The following ATP13A5 variants were observed in gnomAD, a reference collection of about 807,000 sequenced individuals.
ATP13A5 encodes the protein probable cation-transporting ATPase 13A5.
A neutral mutation model predicts 150.2 loss-of-function variants in ATP13A5; 149 were observed. The ratio of observed to expected loss-of-function variants is 0.99; its 90% CI spans 0.87 to 1.14. ATP13A5 has a LOEUF of 1.14. Ranked by LOEUF, ATP13A5 falls within the 50% of genes most tolerant of loss-of-function variation. The probability of loss-of-function intolerance (pLI) is 0.00; values close to 1 mark genes in which losing one functional copy is unlikely to be tolerated. For missense variants in ATP13A5, 1,383 were observed against 1,449.3 expected (o/e 0.95, Z 0.74); for synonymous variants, 497 against 522.2 (o/e 0.95, Z 0.66).
chr3:193,314,406 T>C (rs1056657300), intron 18 of ATP13A5: 1 of 508,408 alleles, frequency 2.0e-6, no homozygotes, highest in East Asian at 3.2e-5. Flanking sequence ...TCCTGGTCCA[T>C]GTGTATTTCA....
intron 1 of ATP13A5, among the ~76,000 whole-genome samples, chr3:193,377,724 C>G (rs1713691704): frequency 6.6e-6 from 1 of 152,208 alleles, no homozygotes; most frequent in African/African-American, 2.4e-5. Flanking sequence ...TGACATCATT[C>G]TAATCTACAA....
At chr3:193,296,784 G>T in intron 25 of ATP13A5, among the ~76,000 whole-genome samples, 1 of 152,026 alleles carries the variant, frequency 6.6e-6, no homozygotes, top group South Asian at 2.1e-4. Flanking sequence ...GGGCAGTATG[G>T]CCATTTTCAT....
At chr3:193,317,863 C>T (rs1719107263) in intron 17 of ATP13A5, among the ~76,000 whole-genome samples, 1 of 152,166 alleles carries the variant, frequency 6.6e-6, no homozygotes, top group Non-Finnish European at 1.5e-5. Flanking sequence ...TTGTATGTGA[C>T]AGCTGGATGA....
At chr3:193,287,281 G>A (rs1717760455) in intron 26 of ATP13A5, among the ~76,000 whole-genome samples, 3 of 152,088 alleles carry the variant, frequency 2.0e-5, no homozygotes, top group Admixed American at 1.3e-4. Flanking sequence ...AGCTCTCAGT[G>A]GAAATGAAAC....
chr3:193,340,351 G>A (rs1712069166), intron 9 of ATP13A5, among the ~76,000 whole-genome samples: 1 of 152,186 alleles, frequency 6.6e-6, no homozygotes, highest in South Asian at 2.1e-4. Flanking sequence ...CACATGGTAG[G>A]CATTTCTGAG....
At chr3:193,305,952 T>C (rs965122556) in intron 22 of ATP13A5, among the ~76,000 whole-genome samples, 2 of 151,936 alleles carry the variant, frequency 1.3e-5, no homozygotes, top group Non-Finnish European at 2.9e-5. Context: ...GGATTATAGA[T>C]GTGAAAAGGA....
chr3:193,358,749 G>A (rs1353205863), intron 5 of ATP13A5, among the ~76,000 whole-genome samples: 1 of 152,168 alleles, frequency 6.6e-6, no homozygotes, highest in African/African-American at 2.4e-5. Context: ...AGCTAAGTGA[G>A]GCGCTTCCAG....
chr3:193,325,083 T>TA (rs1206954598), intron 13 of ATP13A5, 69 bp from the exon 14 acceptor site: 15 of 1,493,452 alleles, frequency 1.0e-5, no homozygotes, highest in Non-Finnish European at 1.4e-5. Flanking sequence ...TAAATCTTAC[T>TA]AAAGTGGAGC....
At chr3:193,340,511 A>G (rs1467540777) in intron 9 of ATP13A5, among the ~76,000 whole-genome samples, 2 of 152,204 alleles carry the variant, frequency 1.3e-5, no homozygotes, top group African/African-American at 4.8e-5. Context: ...TCGATGTGAG[A>G]TCATCACTTA....
rs757435375 is a variant in ATP13A5, at chr3:193,364,265, G to A, written c.79C>T (p.Arg27Trp). 2.3e-5 allele frequency: 37 copies of A among 1,612,964 alleles called. No homozygotes were observed. The highest frequency in any genetic ancestry group is 2.1e-4 in the South Asian group (19 of 90,886). ...EEDELEVFGY[R>W]DHNVRKAFCL... ...AAGGCTTTCCGTACATTGTGGTCCC[G>A]GTAACCAAACACCTCCTGGAGAATA... Residue 27 changes from arginine (R) to tryptophan (W), a missense_variant, in exon 2 of 30, where the codon CGG (arginine) becomes TGG (tryptophan). This residue lies in a region of ATP13A5 where 787 missense variants were observed against 771.9 expected (regional missense o/e 1.02). Transcript: ENST00000342358.
intron 16 of ATP13A5, among the ~76,000 whole-genome samples, chr3:193,321,302 T>C (rs60950669): frequency 0.096 from 14,585 of 152,188 alleles, 1,079 homozygotes; most frequent in African/African-American, 0.2. Context: ...TCCACGTTCA[T>C]TGATTGTGAA....
At chr3:193,337,166 AT>A (rs966713471) in intron 9 of ATP13A5, among the ~76,000 whole-genome samples, 2 of 151,696 alleles carry the variant, frequency 1.3e-5, no homozygotes, top group African/African-American at 4.8e-5. Context: ...GGTTGCAAAA[AT>A]TTTCTCCCAT....
chr3:193,336,133 T>C (rs1009265472), intron 9 of ATP13A5, among the ~76,000 whole-genome samples: 2 of 152,146 alleles, frequency 1.3e-5, no homozygotes, highest in Non-Finnish European at 2.9e-5. Flanking sequence ...TTAGGTCTCA[T>C]CTCTCTTTCT....
chr3:193,331,565 G>T (rs1011230352), intron 11 of ATP13A5, among the ~76,000 whole-genome samples: 2 of 152,116 alleles, frequency 1.3e-5, no homozygotes, highest in Admixed American at 6.6e-5. Context: ...AGCAGCTATG[G>T]CTTATTCATC....
intron 9 of ATP13A5, among the ~76,000 whole-genome samples, chr3:193,336,747 T>C (rs1026026522): frequency 6.6e-6 from 1 of 152,136 alleles, no homozygotes; most frequent in African/African-American, 2.4e-5. Context: ...TTTGGGTATA[T>C]ACCCAGTAAT....
chr3:193,286,670 C>G (rs1214110504), intron 26 of ATP13A5, among the ~76,000 whole-genome samples: 2 of 152,170 alleles, frequency 1.3e-5, no homozygotes, highest in African/African-American at 4.8e-5. Context: ...CTCTTCCTCT[C>G]CTGGGGCCTC....
At chr3:193,285,881 C>T (rs182577953) in intron 26 of ATP13A5, among the ~76,000 whole-genome samples, 84 of 152,272 alleles carry the variant, frequency 5.5e-4, no homozygotes, top group Non-Finnish European at 1.0e-3. Flanking sequence ...AATGTTATCT[C>T]GGTTAAAGGC....
intron 25 of ATP13A5, among the ~76,000 whole-genome samples, chr3:193,291,637 T>C (rs1437630222): frequency 6.6e-6 from 1 of 152,070 alleles, no homozygotes; most frequent in East Asian, 1.9e-4. Context: ...GGTTAGAGAC[T>C]AAGTTTGACC....
intron 1 of ATP13A5, among the ~76,000 whole-genome samples, chr3:193,374,301 C>CACACACACACAGAG (rs1441073312): frequency 6.9e-6 from 1 of 144,340 alleles, no homozygotes; most frequent in African/African-American, 2.6e-5. Context: ...CACACACACA[C>CACACACACACAGAG]AGAGAGAGAG....
Sources: allele counts gnomAD v4.1 joint callset (sites outside exome capture counted in the v4.1 genomes callset), GRCh38; gene constraint gnomAD v4.1.1; regional missense constraint gnomAD v4.1.1; transcripts MANE v1.5; gene names NCBI Gene and HGNC (gene_info 2026-07-23, HGNC 2026-07-21).